ASPH: variants seen among roughly 807,000 people sequenced by gnomAD.
ASPH encodes the protein aspartyl/asparaginyl beta-hydroxylase.
ASPH carries 100 observed loss-of-function variants against 118.4 expected under a neutral mutation model. The ratio of observed to expected loss-of-function variants is 0.84; its 90% CI spans 0.72 to 1.00. The LOEUF (loss-of-function observed/expected upper bound fraction) is 1.00. Among genes scored for constraint, ASPH ranks in the 50% least tolerant of loss-of-function variants. The probability of loss-of-function intolerance (pLI) is 0.00; values close to 1 mark genes in which losing one functional copy is unlikely to be tolerated. For synonymous variants in ASPH, 315 were observed against 325.6 expected (o/e 0.97, Z 0.35); for missense variants, 920 against 919.5 (o/e 1.00, Z -0.01).
At chr8:61,535,165 C>T (rs1006701835) in intron 21 of ASPH, among the ~76,000 whole-genome samples, 1 of 152,100 alleles carries the variant, frequency 6.6e-6, no homozygotes, top group Non-Finnish European at 1.5e-5. Flanking sequence ...ATTCTGAGGT[C>T]GTGGGGAGTA....
intron 10 of ASPH, 111 bp from the exon 11 acceptor site, chr8:61,638,474 G>T (rs1389879667): frequency 3.2e-6 from 3 of 947,416 alleles, no homozygotes; most frequent in Admixed American, 4.9e-5. Flanking sequence ...AACCTGCAAG[G>T]TTCAGTCACT....
At position 61,714,495 on chromosome 8, in the gene ASPH, A is replaced by C. The variant is rs1838911013; in HGVS notation, c.-124T>G. ...AGCGGGTTCGGGCCGCTGCTCCTGC[A>C]GCAGACCCTGTGCCTCAGCACCGCC... On this transcript the variant is annotated 5_prime_UTR_variant, in exon 1 of 25. Coordinates refer to ENST00000379454, the MANE Select transcript of ASPH (RefSeq NM_004318.4). The C allele has an allele frequency of 2.3e-6, 3 of 1,317,092 alleles. No homozygotes were observed. Among genetic ancestry groups the C allele is most frequent in the Non-Finnish European group, 2.9e-6 (3 of 1,023,808 alleles). 81.6% of individuals were successfully genotyped at this position (1,317,092 alleles called of 1,614,324 possible).
At chr8:61,664,628 G>T in intron 3 of ASPH, 2 of 986,250 alleles carry the variant, frequency 2.0e-6, no homozygotes, top group Non-Finnish European at 1.2e-6. Context: ...TGAAGGAAAG[G>T]AGAGAGTAAA....
rs559238367 is a variant in ASPH at position 61,655,743 on chromosome 8, C to T, written c.323-2083G>A. Among the ~76,000 whole-genome samples the T allele has an allele frequency of 4.4e-4, 67 of 152,142 alleles. 1 individual carries two copies. The Middle Eastern group carries it at 0.027, about 62-fold the overall frequency. On this transcript the variant is annotated intron_variant, in intron 3 of 24. Coordinates refer to ENST00000379454, the MANE Select transcript of ASPH (RefSeq NM_004318.4). ...AAAACATAGGAAAAACAGGAGAAAG[C>T]AAAAGCACAGAGCAAAAAATATTGA...
chr8:61,579,485 T>TCTGAGCTCGGC, intron 15 of ASPH: 1 of 1,599,240 alleles, frequency 6.3e-7, no homozygotes, highest in Non-Finnish European at 8.5e-7. Flanking sequence ...ATGCAGGTGG[T>TCTGAGCTCGGC]CTGAGCTCGG....
intron 21 of ASPH, among the ~76,000 whole-genome samples, chr8:61,535,756 A>T (rs979751797): frequency 6.6e-6 from 1 of 152,248 alleles, no homozygotes; most frequent in Admixed American, 6.5e-5. Flanking sequence ...TAGTCAAAAC[A>T]TGCCTATACT....
At position 61,535,549 on chromosome 8, in the gene ASPH, G is replaced by A. The variant is rs143203536; in HGVS notation, c.1765-9437C>T. 6.2e-4 allele frequency among the ~76,000 whole-genome samples: 94 copies of A among 152,278 alleles called. 1 individual carries two copies. In the Middle Eastern group the frequency reaches 0.027, roughly 44 times the overall value. On this transcript the variant is annotated intron_variant, in intron 21 of 24. Coordinates refer to ENST00000379454, the MANE Select transcript of ASPH (RefSeq NM_004318.4). The stretch of plus-strand genomic sequence containing the variant: ...TGAAAGTTTCTGACTCTAAATTGAG[G>A]AAAGGGATGCTGTGAAAGGCTATTC...
chr8:61,543,810 T>C (rs1822824354), intron 21 of ASPH, among the ~76,000 whole-genome samples: 1 of 152,202 alleles, frequency 6.6e-6, no homozygotes, highest in South Asian at 2.1e-4. Context: ...TTGTCACTAT[T>C]TGTTTGTTTA....
intron 1 of ASPH, among the ~76,000 whole-genome samples, chr8:61,703,805 ACTATTTAGAG>A (rs1357173563): frequency 1.3e-5 from 2 of 152,216 alleles, no homozygotes; most frequent in African/African-American, 2.4e-5. Context: ...AAGTATCTAC[ACTATTTAGAG>A]CTATTTTAAA....
chr8:61,638,724 C>T (rs1215286568), intron 10 of ASPH, among the ~76,000 whole-genome samples: 2 of 152,170 alleles, frequency 1.3e-5, no homozygotes, highest in Non-Finnish European at 2.9e-5. Flanking sequence ...AATTCTCAGA[C>T]CTCTAACCTG....
At chr8:61,692,767 G>C (rs1216601500) in intron 1 of ASPH, among the ~76,000 whole-genome samples, 1 of 152,028 alleles carries the variant, frequency 6.6e-6, no homozygotes, top group African/African-American at 2.4e-5. Context: ...TGATTTTGTA[G>C]GTCTGGAGTG....
chr8:61,535,100 T>C (rs540936802), intron 21 of ASPH, among the ~76,000 whole-genome samples: 12 of 152,340 alleles, frequency 7.9e-5, no homozygotes, highest in African/African-American at 2.9e-4. Context: ...TAATGGCCTC[T>C]TTTTAACTTC....
At chr8:61,680,729 T>A (rs1827618348) in intron 3 of ASPH, 1 of 290,188 alleles carries the variant, frequency 3.4e-6, no homozygotes, top group Admixed American at 5.1e-5. Context: ...ATGAAATTAT[T>A]ATACTTATCA....
intron 8 of ASPH, among the ~76,000 whole-genome samples, 199 bp downstream of exon 8, chr8:61,643,746 G>A (rs1464124974): frequency 1.3e-5 from 2 of 152,096 alleles, no homozygotes; most frequent in Admixed American, 1.3e-4. Flanking sequence ...TGAAAAATAC[G>A]TCTCCTTTTT....
intron 24 of ASPH, among the ~76,000 whole-genome samples, chr8:61,506,674 C>T (rs528118452): frequency 3.0e-4 from 46 of 151,982 alleles, no homozygotes; most frequent in African/African-American, 9.9e-4. Flanking sequence ...GTGTCTTCAT[C>T]GGCATAATTG....
At chr8:61,558,763 A>G (rs1220831792) in intron 18 of ASPH, among the ~76,000 whole-genome samples, 2 of 152,122 alleles carry the variant, frequency 1.3e-5, no homozygotes, top group Non-Finnish European at 2.9e-5. Flanking sequence ...AGTTGTAATC[A>G]ACAAACCCTC....
chr8:61,553,645 T>C (rs1027034336), intron 19 of ASPH, among the ~76,000 whole-genome samples: 1 of 152,156 alleles, frequency 6.6e-6, no homozygotes, highest in Non-Finnish European at 1.5e-5. Context: ...TAAAGCCAAT[T>C]TGAATCTTTA....
intron 1 of ASPH, among the ~76,000 whole-genome samples, chr8:61,706,727 G>T (rs7821108): frequency 0.034 from 5,148 of 152,254 alleles, 272 homozygotes; most frequent in African/African-American, 0.12. Context: ...AAAAGGCAGG[G>T]TAGAAGGACA....
At chr8:61,527,718 C>T (rs1815966803) in intron 21 of ASPH, among the ~76,000 whole-genome samples, 3 of 152,062 alleles carry the variant, frequency 2.0e-5, no homozygotes, top group African/African-American at 7.2e-5. Context: ...GCCAAAACTG[C>T]AGGGCAGGGC....
Sources: allele counts gnomAD v4.1 joint callset (sites outside exome capture counted in the v4.1 genomes callset), GRCh38; gene constraint gnomAD v4.1.1; transcripts MANE v1.5; gene names NCBI Gene and HGNC (gene_info 2026-07-23, HGNC 2026-07-21).